Variants in IDE observed in about 807,000 individuals in gnomAD.
The protein encoded by IDE is insulin-degrading enzyme.
A neutral mutation model predicts 133.2 loss-of-function variants in IDE; 58 were observed. The observed-to-expected ratio is 0.44, with a 90% CI of 0.35 to 0.54. IDE has a LOEUF of 0.54. Among genes scored for constraint, IDE ranks in the 20% least tolerant of loss-of-function variants. The pLI is 0.00. For missense variants in IDE, 981 were observed against 1,234.0 expected (o/e 0.79, Z 3.07); for synonymous variants, 396 against 421.3 (o/e 0.94, Z 0.73).
chr10:92,571,068 C>T (rs1843761317), intron 1 of IDE, among the ~76,000 whole-genome samples: 1 of 151,782 alleles, frequency 6.6e-6, no homozygotes, highest in African/African-American at 2.4e-5. Context: ...GCACCTCCGC[C>T]TCCTGGGTTC....
At chr10:92,569,705 G>GA (rs1564689771) in intron 1 of IDE, among the ~76,000 whole-genome samples, 1 of 152,064 alleles carries the variant, frequency 6.6e-6, no homozygotes, top group East Asian at 1.9e-4. Flanking sequence ...AAATTGTTTT[G>GA]AAAAAAGACC....
intron 4 of IDE, among the ~76,000 whole-genome samples, chr10:92,522,070 A>T (rs1200573757): frequency 6.6e-6 from 1 of 152,160 alleles, no homozygotes; most frequent in Non-Finnish European, 1.5e-5. Flanking sequence ...ACAAAAAAAA[A>T]ATGGTGAAGG....
intron 5 of IDE, among the ~76,000 whole-genome samples, chr10:92,512,260 G>A (rs535556350): frequency 2.0e-5 from 3 of 152,196 alleles, no homozygotes; most frequent in Admixed American, 6.5e-5. Flanking sequence ...CTCTCCTCCC[G>A]TCAAAAGAAG....
Position 92,531,890 on chromosome 10 carries a change from C to T in IDE, c.519G>A (p.Leu173=), listed in dbSNP as rs770831274. 15 of 1,560,072 alleles carry T rather than the reference C, an allele frequency of 9.6e-6. No individual in the cohort carries two copies. Among genetic ancestry groups the T allele is most frequent in the East Asian group, 2.3e-5 (1 of 42,796 alleles). Residue 173 remains leucine, a synonymous_variant, in exon 4 of 25, where the codon TTG becomes TTA. Coordinates refer to ENST00000265986, the MANE Select transcript of IDE (RefSeq NM_004969.4). ...CTCTGTCTTTGCAACTTTCATCGAA[C>T]AAGGGGCACAGAAAAAACTGTGCAA... ...DRFAQFFLCP[L]FDESCKDREV...
At chr10:92,499,031 A>C (rs1283104197) in intron 11 of IDE, among the ~76,000 whole-genome samples, 4 of 152,212 alleles carry the variant, frequency 2.6e-5, no homozygotes, top group Admixed American at 2.6e-4. Context: ...TTACTTGCCT[A>C]AATGAGGCAA....
Position 92,537,440 on chromosome 10 carries a change from G to T in IDE, c.209C>A (p.Ala70Asp), listed in dbSNP as rs1842070958. 1 of 1,613,872 alleles carries T rather than the reference G, an allele frequency of 6.2e-7. No individual in the cohort carries two copies. Among genetic ancestry groups the T allele is most frequent in the African/African-American group, 1.3e-5 (1 of 74,926 alleles). The stretch of plus-strand genomic sequence containing the variant: ...GATAAGAAGTACTTTGATACCATTG[G>T]CCAGCTCTAGCCCTCGATATTCTCG... ...DKREYRGLELANGIKVLLISD... is the reference protein window; with the variant it reads ...DKREYRGLELDNGIKVLLISD... Residue 70 changes from alanine to aspartate, a missense_variant, in exon 2 of 25, where the codon GCC (alanine) becomes GAC (aspartate). This residue lies in a region of IDE where 321 missense variants were observed against 339.3 expected (regional missense o/e 0.95). Coordinates refer to ENST00000265986, the MANE Select transcript of IDE (RefSeq NM_004969.4).
chr10:92,453,300 T>A lies in IDE; in HGVS notation c.*1144A>T, dbSNP rs528495178. On this transcript the variant is annotated 3_prime_UTR_variant, in exon 25 of 25. Coordinates refer to ENST00000265986, the MANE Select transcript of IDE (RefSeq NM_004969.4). ...GTATCTCATGAAAAAAATATTTTTT[T>A]AAAAGTCTACTCCAGTCATCATCTG... The A allele has an allele frequency of 3.6e-4, 55 of 152,300 alleles. No homozygotes were observed. The highest frequency in any genetic ancestry group is 4.9e-4 in the Non-Finnish European group (33 of 68,020). The allele number at this position is 152,300 out of a possible 1,614,324, so 9.4% of individuals were successfully genotyped here. A position where few individuals can be genotyped will look rare whatever the true frequency, so the allele number is the denominator to read the frequency against.
At chr10:92,483,485 A>T in intron 13 of IDE, 148 bp from the exon 14 acceptor site, 1 of 603,766 alleles carries the variant, frequency 1.7e-6, no homozygotes, top group Non-Finnish European at 3.0e-6. Context: ...AAGCATACTC[A>T]AGAGTCAGCA....
At chr10:92,508,310 T>A (rs561327337) in intron 7 of IDE, 105 bp from the exon 8 acceptor site, 3 of 860,272 alleles carry the variant, frequency 3.5e-6, no homozygotes, top group African/African-American at 1.7e-5. Context: ...GATATCAGAA[T>A]GAACCTCTTG....
intron 15 of IDE, chr10:92,478,890 T>C (rs1846434230): frequency 6.1e-6 from 3 of 490,410 alleles, no homozygotes; most frequent in Non-Finnish European, 8.5e-6. Flanking sequence ...CCTCATGATC[T>C]GGATTTCTAG....
At chr10:92,570,433 A>C (rs1378104814) in intron 1 of IDE, among the ~76,000 whole-genome samples, 1 of 152,196 alleles carries the variant, frequency 6.6e-6, no homozygotes, top group Non-Finnish European at 1.5e-5. Flanking sequence ...AAACTAACAG[A>C]ACAGTGAAAA....
chr10:92,542,571 T>C (rs1241468112), intron 1 of IDE, among the ~76,000 whole-genome samples: 2 of 152,202 alleles, frequency 1.3e-5, no homozygotes, highest in African/African-American at 4.8e-5. Flanking sequence ...ATTACAGGCA[T>C]GAGACACTAC....
At chr10:92,466,505 C>T (rs145268851) in intron 19 of IDE, among the ~76,000 whole-genome samples, 8 of 152,132 alleles carry the variant, frequency 5.3e-5, no homozygotes, top group Non-Finnish European at 7.4e-5. Flanking sequence ...TTGGTAGATA[C>T]GGGGTTTTGC....
chr10:92,487,340 C>A, intron 12 of IDE, 22 bp from the exon 13 acceptor site: 2 of 1,602,582 alleles, frequency 1.2e-6, no homozygotes, highest in Non-Finnish European at 1.7e-6. Flanking sequence ...ATGAAACACA[C>A]AAATGCAGTA....
At chr10:92,553,700 G>C (rs777332483) in intron 1 of IDE, among the ~76,000 whole-genome samples, 1 of 152,046 alleles carries the variant, frequency 6.6e-6, no homozygotes, top group Non-Finnish European at 1.5e-5. Flanking sequence ...TGGCTATTAT[G>C]AGCAACTATA....
chr10:92,528,429 A>C lies in IDE; in HGVS notation c.661+3319T>G, dbSNP rs74151642. On this transcript the variant is annotated intron_variant, in intron 4 of 24. Coordinates refer to ENST00000265986, the MANE Select transcript of IDE (RefSeq NM_004969.4). ...GACCCATTATATTGTAATTAAATGC[A>C]TTTAAAGTATTAGCAGATCAGAGTT... Among the ~76,000 whole-genome samples, 1,029 of 151,930 alleles carry C rather than the reference A, an allele frequency of 6.8e-3. 12 individuals are homozygous for C. Among genetic ancestry groups the C allele is most frequent in the African/African-American group, 0.024 (980 of 41,432 alleles).
intron 1 of IDE, among the ~76,000 whole-genome samples, chr10:92,566,060 A>G (rs986546155): frequency 6.6e-6 from 1 of 152,038 alleles, no homozygotes; most frequent in African/African-American, 2.4e-5. Flanking sequence ...GCCATTAAAC[A>G]AGACAACATA....
At chr10:92,573,024 TTAG>T in intron 1 of IDE, 3 of 985,306 alleles carry the variant, frequency 3.0e-6, no homozygotes, top group Non-Finnish European at 3.6e-6. Flanking sequence ...TGCCCTGCAC[TTAG>T]TAGGTGCTGG....
At position 92,511,095 on chromosome 10, in the gene IDE, A is replaced by C. The variant is rs574355858; in HGVS notation, c.785-933T>G. On this transcript the variant is annotated intron_variant, in intron 5 of 24. Coordinates refer to ENST00000265986, the MANE Select transcript of IDE (RefSeq NM_004969.4). ...AAAGAAAGCAGTGTTAAAAAAAAAA[A>C]AAAAAACTTTTTTTTTTTTTTTTTG... Among the ~76,000 whole-genome samples the C allele has an allele frequency of 1.3e-3, 193 of 150,844 alleles. 4 individuals are homozygous for C. The East Asian group carries it at 0.027, about 21-fold the overall frequency.
Sources: allele counts gnomAD v4.1 joint callset (sites outside exome capture counted in the v4.1 genomes callset), GRCh38; gene constraint gnomAD v4.1.1; regional missense constraint gnomAD v4.1.1; transcripts MANE v1.5; gene names NCBI Gene and HGNC (gene_info 2026-07-23, HGNC 2026-07-21).